Variants in NCS1 observed in about 807,000 individuals in gnomAD.
NCS1 encodes the protein neuronal calcium sensor 1, also known as frequenin homolog.
NCS1 carries 6 observed loss-of-function variants against 28.4 expected under a neutral mutation model. The ratio of observed to expected loss-of-function variants is 0.21; its 90% CI spans 0.12 to 0.42. NCS1 has a LOEUF of 0.42. Among genes scored for constraint, NCS1 ranks in the 10% least tolerant of loss-of-function variants. NCS1 has a pLI of 1.00. For synonymous variants in NCS1, 86 were observed against 99.3 expected (o/e 0.87, Z 0.79); for missense variants, 131 against 241.4 (o/e 0.54, Z 3.03).
rs1416049555 is a variant in NCS1, at chr9:130,234,761, T to G, written c.*1789T>G. 1.3e-5 allele frequency: 2 copies of G among 152,286 alleles called. No individual in the cohort carries two copies. The highest frequency in any genetic ancestry group is 4.8e-5 in the African/African-American group (2 of 41,426). The allele number at this position is 152,286 out of a possible 1,614,324, so 9.4% of individuals were successfully genotyped here. ...ACACCTTGTCCCTTCCCGCAGCATT[T>G]CCTGGTTCCCCCCAGACCCTTGAGC... On this transcript the variant is annotated 3_prime_UTR_variant, in exon 8 of 8. Transcript: ENST00000372398. The surrounding 1 kb of genome is among the most constrained non-coding windows in gnomAD (Gnocchi z 6.1).
intron 1 of NCS1, among the ~76,000 whole-genome samples, chr9:130,174,208 G>A (rs1832530790): frequency 6.6e-6 from 1 of 152,214 alleles, no homozygotes; most frequent in African/African-American, 2.4e-5. Flanking sequence ...TGTGCCGGGG[G>A]AGGGTGAGGA....
intron 2 of NCS1, among the ~76,000 whole-genome samples, chr9:130,212,824 G>A (rs147925314): frequency 3.7e-4 from 56 of 152,272 alleles, no homozygotes; most frequent in Non-Finnish European, 6.8e-4. Context: ...AAGAGGGAGT[G>A]TGCAGCTGCT....
rs1401248931 is a variant in NCS1 at position 130,175,494 on chromosome 9, C to T, written c.64+2767C>T. 2.6e-5 allele frequency among the ~76,000 whole-genome samples: 4 copies of T among 152,178 alleles called. No homozygotes were observed. Among genetic ancestry groups the T allele is most frequent in the African/African-American group, 9.6e-5 (4 of 41,456 alleles). On this transcript the variant is annotated intron_variant, in intron 1 of 7. Transcript: ENST00000372398. The surrounding 1 kb of genome is among the most constrained non-coding windows in gnomAD (Gnocchi z 4.9). Reference sequence around the variant, plus strand: ...TTTGCATCCTTGACACGTGTTTGTGCTGCAGATGGTGGTCCTGGGGAGCCC... The same window carrying T: ...TTTGCATCCTTGACACGTGTTTGTGTTGCAGATGGTGGTCCTGGGGAGCCC...
chr9:130,200,516 C>T (rs1832926488), intron 1 of NCS1: 6 of 1,522,322 alleles, frequency 3.9e-6, no homozygotes, highest in South Asian at 1.2e-5. Flanking sequence ...CAGCCTAGCT[C>T]CCCCCACCCC....
chr9:130,228,677 T>A (rs1443078691), intron 7 of NCS1, among the ~76,000 whole-genome samples: 2 of 151,880 alleles, frequency 1.3e-5, no homozygotes, highest in East Asian at 3.9e-4. Context: ...CTTTCTTTTT[T>A]TTTTTTTGAG....
chr9:130,226,293 C>T lies in NCS1; in HGVS notation c.475-96C>T. The T allele has an allele frequency of 9.3e-7, 1 of 1,070,922 alleles. No individual in the cohort carries two copies. Among genetic ancestry groups the T allele is most frequent in the Non-Finnish European group, 1.4e-6 (1 of 708,354 alleles). 66.3% of individuals were successfully genotyped at this position (1,070,922 alleles called of 1,614,324 possible). ...CCACGTTGCCTCCCTCCTGATCTAA[C>T]CTTGGAAGGGCTCTTGGGACCGGCC... On this transcript the variant is annotated intron_variant, in intron 6 of 7. Transcript: ENST00000372398. The surrounding 1 kb of genome is among the most constrained non-coding windows in gnomAD (Gnocchi z 4.8).
In NCS1 at chr9:130,172,668, G is replaced by A; in HGVS notation, c.5G>A (p.Gly2Glu). 1 of 1,495,092 alleles carries A rather than the reference G, an allele frequency of 6.7e-7. No homozygotes were observed. Among genetic ancestry groups the A allele is most frequent in the Non-Finnish European group, 9.0e-7 (1 of 1,115,024 alleles). The allele number at this position is 1,495,092 out of a possible 1,614,324, so 92.6% of individuals were successfully genotyped here. Residue 2 changes from glycine to glutamate, a missense_variant, in exon 1 of 8, where the codon GGG becomes GAG. By Grantham distance (98) the Gly-to-Glu change is moderately conservative. Around this residue, in one of 2 missense-constraint regions of NCS1, gnomAD observed 31 missense variants for 31.1 expected, o/e 1.00. Coordinates refer to ENST00000372398, the MANE Select transcript of NCS1 (RefSeq NM_014286.4). Reference sequence around the variant, plus strand: ...CGGGGGCCGCGGCCGCCGAGGATGGGGAAATCCAACAGCAAGTTGAAGCCC... The same window carrying A: ...CGGGGGCCGCGGCCGCCGAGGATGGAGAAATCCAACAGCAAGTTGAAGCCC... MGKSNSKLKPEV... is the reference protein window; with the variant it reads MEKSNSKLKPEV...
At chr9:130,196,627 T>A (rs767633541) in intron 1 of NCS1, among the ~76,000 whole-genome samples, 3 of 152,074 alleles carry the variant, frequency 2.0e-5, no homozygotes, top group Non-Finnish European at 4.4e-5. Context: ...TAATCTTGGC[T>A]ACTTGGGAGG....
At chr9:130,185,262 C>T (rs1007582820) in intron 1 of NCS1, among the ~76,000 whole-genome samples, 2 of 152,254 alleles carry the variant, frequency 1.3e-5, no homozygotes, top group Non-Finnish European at 2.9e-5. Flanking sequence ...CGTCTCGTTG[C>T]GTGGCTGCCG....
At chr9:130,174,691 A>G (rs1299634801) in intron 1 of NCS1, among the ~76,000 whole-genome samples, 3 of 150,720 alleles carry the variant, frequency 2.0e-5, no homozygotes, top group Non-Finnish European at 4.4e-5. Flanking sequence ...CATGCCTGTA[A>G]TCCCAGCTAC....
rs1302568574 is a variant in NCS1, at chr9:130,192,154, TG to T, written c.65-8798del. ...TGGCAGACAGGTATGGGATTGGGAGTGGGGGGTGGTCTCTCTTCTCACCCTG... is the reference window on the plus strand; with the variant it reads ...TGGCAGACAGGTATGGGATTGGGAGTGGGGGTGGTCTCTCTTCTCACCCTG... On this transcript the variant is annotated intron_variant, in intron 1 of 7. Coordinates refer to ENST00000372398, the MANE Select transcript of NCS1 (RefSeq NM_014286.4). This position sits in a 1 kb window ranked among gnomAD's most constrained non-coding sequence, Gnocchi z 4.8. Among the ~76,000 whole-genome samples the T allele has an allele frequency of 1.1e-4, 16 of 151,584 alleles. No individual in the cohort carries two copies. The highest frequency in any genetic ancestry group is 1.9e-4 in the Non-Finnish European group (13 of 67,874).
Position 130,236,613 on chromosome 9 carries a change from C to T in NCS1, c.*3641C>T, listed in dbSNP as rs968151543. ...GGTTAATTTTTGAATGAATAAAAGG[C>T]TTTTGTTGAATAAACAGCTGGTCCC... On this transcript the variant is annotated 3_prime_UTR_variant, in exon 8 of 8. Transcript: ENST00000372398. 6.7e-6 allele frequency: 1 copy of T among 149,020 alleles called. No individual in the cohort carries two copies. Among genetic ancestry groups the T allele is most frequent in the African/African-American group, 2.5e-5 (1 of 40,174 alleles). 9.2% of individuals were successfully genotyped at this position (149,020 alleles called of 1,614,324 possible). A position where few individuals can be genotyped will look rare whatever the true frequency, so the allele number is the denominator to read the frequency against.
intron 2 of NCS1, among the ~76,000 whole-genome samples, chr9:130,204,550 A>T (rs1833000084): frequency 6.6e-6 from 1 of 152,138 alleles, no homozygotes; most frequent in Non-Finnish European, 1.5e-5. Flanking sequence ...CAGCCTCCCG[A>T]GTAGCTGAGA....
chr9:130,194,110 A>C (rs1554906518), intron 1 of NCS1, among the ~76,000 whole-genome samples: 1 of 152,176 alleles, frequency 6.6e-6, no homozygotes, highest in African/African-American at 2.4e-5. Flanking sequence ...AGCTGAAGCC[A>C]GCGCCGGGAG....
rs1425906875 is a variant in NCS1, at chr9:130,232,845, A to G, written c.*18-145A>G. Reference sequence around the variant, plus strand: ...AAAGGGTGCCTCAGAGGTTATGCACATTTTTAGGACTTCTGACATAGAATG... The same window carrying G: ...AAAGGGTGCCTCAGAGGTTATGCACGTTTTTAGGACTTCTGACATAGAATG... On this transcript the variant is annotated intron_variant, in intron 7 of 7. Transcript: ENST00000372398. This position sits in a 1 kb window ranked among gnomAD's most constrained non-coding sequence, Gnocchi z 4.4. 6.6e-6 allele frequency: 1 copy of G among 152,498 alleles called. No homozygotes were observed. The highest frequency in any genetic ancestry group is 2.4e-5 in the African/African-American group (1 of 41,400). The allele number at this position is 152,498 out of a possible 1,614,324, so 9.4% of individuals were successfully genotyped here. A position where few individuals can be genotyped will look rare whatever the true frequency, so the allele number is the denominator to read the frequency against.
intron 2 of NCS1, among the ~76,000 whole-genome samples, chr9:130,211,852 C>T (rs781961845): frequency 1.8e-4 from 28 of 152,308 alleles, no homozygotes; most frequent in Non-Finnish European, 3.4e-4. Flanking sequence ...AAATCATTCC[C>T]AAGGCACAGC....
In NCS1 at chr9:130,223,994, A is replaced by C. The variant is rs553448314; in HGVS notation, c.474+835A>C. ...CCCGAGTAGCTGGGACTACAGGCGC[A>C]TGCCACCATACCTGGCTAATTTTTT... On this transcript the variant is annotated intron_variant, in intron 6 of 7. Coordinates refer to ENST00000372398, the MANE Select transcript of NCS1 (RefSeq NM_014286.4). 3.8e-3 allele frequency among the ~76,000 whole-genome samples: 581 copies of C among 151,826 alleles called. 4 individuals are homozygous for C. The highest frequency in any genetic ancestry group is 0.013 in the African/African-American group (556 of 41,458).
At chr9:130,229,417 G>C (rs568858525) in intron 7 of NCS1, among the ~76,000 whole-genome samples, 92 of 152,108 alleles carry the variant, frequency 6.0e-4, no homozygotes, top group African/African-American at 2.1e-3. Context: ...ACCACGCCCG[G>C]CTAATTTTTG....
intron 1 of NCS1, among the ~76,000 whole-genome samples, chr9:130,183,077 G>GCTGT (rs1445196857): frequency 6.6e-6 from 1 of 152,224 alleles, no homozygotes; most frequent in Non-Finnish European, 1.5e-5. Context: ...TCCCTGCAGT[G>GCTGT]CTGTGGTTTG....
Sources: gnomAD v4.1 joint callset for allele counts (sites outside exome capture counted in the v4.1 genomes callset) on GRCh38, gnomAD v4.1.1 for gene constraint, gnomAD v4.1.1 regional missense constraint, Gnocchi (gnomAD v3.1) non-coding constraint, MANE v1.5 for transcripts, NCBI Gene and HGNC (gene_info 2026-07-23, HGNC 2026-07-21) for gene names.